LEKR1: variants seen among roughly 807,000 people sequenced by gnomAD.
LEKR1 encodes protein LEKR1.
Under a neutral mutation model 72.4 loss-of-function variants are expected in LEKR1, and 59 were observed. The observed-to-expected ratio is 0.82, with a 90% confidence interval of 0.66 to 1.01. The LOEUF is 1.01. Ranked by LOEUF, LEKR1 falls within the 50% of genes least tolerant of loss-of-function variation. LEKR1 has a pLI of 0.00. For synonymous variants in LEKR1, 257 were observed against 263.2 expected (o/e 0.98, Z 0.23); for missense variants, 728 against 759.2 (o/e 0.96, Z 0.48).
intron 6 of LEKR1, among the ~76,000 whole-genome samples, chr3:156,942,999 A>G (rs1726363203): frequency 6.6e-6 from 1 of 151,928 alleles, no homozygotes; most frequent in Non-Finnish European, 1.5e-5. Context: ...TTACTTTGGT[A>G]TATCTGTGCT....
intron 3 of LEKR1, among the ~76,000 whole-genome samples, chr3:156,869,251 T>C (rs557041886): frequency 6.6e-6 from 1 of 152,226 alleles, no homozygotes; most frequent in Non-Finnish European, 1.5e-5. Flanking sequence ...CAGTACTGTT[T>C]TTAGTGTTTT....
At chr3:157,030,198 AC>A (rs1258644060) in intron 12 of LEKR1, among the ~76,000 whole-genome samples, 1 of 152,160 alleles carries the variant, frequency 6.6e-6, no homozygotes, top group Admixed American at 6.5e-5. Context: ...GCATGAACTA[AC>A]ACAGCAAGAA....
intron 7 of LEKR1, among the ~76,000 whole-genome samples, chr3:156,985,109 C>T (rs569573939): frequency 1.3e-4 from 20 of 151,930 alleles, no homozygotes; most frequent in Non-Finnish European, 2.4e-4. Context: ...TTTATTTATT[C>T]AATACAAAAT....
intron 5 of LEKR1, among the ~76,000 whole-genome samples, chr3:156,934,088 G>A (rs1051820669): frequency 2.0e-5 from 3 of 152,136 alleles, no homozygotes; most frequent in Non-Finnish European, 2.9e-5. Context: ...TCTAGTTAAA[G>A]TTGTCTTCCT....
At chr3:157,014,730 T>C (rs540696079) in intron 10 of LEKR1, among the ~76,000 whole-genome samples, 1 of 152,290 alleles carries the variant, frequency 6.6e-6, no homozygotes, top group East Asian at 1.9e-4. Context: ...AGGAGTGGCC[T>C]GCGGAGATCA....
chr3:156,969,800 C>T (rs1211199291), intron 6 of LEKR1, among the ~76,000 whole-genome samples: 5 of 152,174 alleles, frequency 3.3e-5, no homozygotes, highest in African/African-American at 4.8e-5. Context: ...GATACCAAAG[C>T]CTGGCAGAGA....
chr3:156,874,431 G>A (rs1482326386), intron 3 of LEKR1, among the ~76,000 whole-genome samples: 2 of 151,896 alleles, frequency 1.3e-5, no homozygotes, highest in Non-Finnish European at 1.5e-5. Flanking sequence ...TTTTATTTGG[G>A]GGAGGCTTTT....
chr3:156,996,955 C>T (rs1731626406), intron 9 of LEKR1, among the ~76,000 whole-genome samples: 2 of 151,934 alleles, frequency 1.3e-5, no homozygotes, highest in South Asian at 4.2e-4. Flanking sequence ...ATCCCAGCTA[C>T]TTGGGAGGCT....
intron 3 of LEKR1, among the ~76,000 whole-genome samples, chr3:156,919,910 C>T (rs904083810): frequency 2.6e-5 from 4 of 152,088 alleles, no homozygotes; most frequent in African/African-American, 4.8e-5. Context: ...ATTCATTATA[C>T]CAAAAGTTAA....
chr3:156,908,980 T>A (rs1236789248), intron 3 of LEKR1, among the ~76,000 whole-genome samples: 2 of 152,184 alleles, frequency 1.3e-5, no homozygotes, highest in Non-Finnish European at 2.9e-5. Context: ...GGGAGATAAT[T>A]GAATCATGAA....
At chr3:156,829,477 A>C (rs886320053) in intron 2 of LEKR1, 100 bp downstream of exon 2, 1 of 711,626 alleles carries the variant, frequency 1.4e-6, no homozygotes, top group Non-Finnish European at 2.3e-6. Context: ...TGGTCATAGG[A>C]TCTGAATGAA....
At chr3:156,932,723 A>AAGG (rs1560090933) in intron 5 of LEKR1, among the ~76,000 whole-genome samples, 2 of 142,638 alleles carry the variant, frequency 1.4e-5, no homozygotes, top group African/African-American at 2.6e-5. Context: ...AAAAAAAAAA[A>AAGG]GGGTATCTAT....
intron 6 of LEKR1, among the ~76,000 whole-genome samples, chr3:156,950,569 C>A (rs562576747): frequency 6.6e-6 from 1 of 150,836 alleles, no homozygotes; most frequent in African/African-American, 2.4e-5. Flanking sequence ...TAGCTGTATT[C>A]CTATGTATTT....
intron 3 of LEKR1, among the ~76,000 whole-genome samples, chr3:156,914,513 A>G (rs1576811603): frequency 6.6e-6 from 1 of 152,106 alleles, no homozygotes; most frequent in Non-Finnish European, 1.5e-5. Flanking sequence ...TTATGGCTGC[A>G]TAGTATTCCA....
chr3:156,966,187 A>T (rs1290030023), intron 6 of LEKR1, among the ~76,000 whole-genome samples: 1 of 152,174 alleles, frequency 6.6e-6, no homozygotes, highest in Non-Finnish European at 1.5e-5. Context: ...TCCAGTCCAC[A>T]GCTCCCAGCA....
At chr3:156,890,028 C>T (rs560852300) in intron 3 of LEKR1, among the ~76,000 whole-genome samples, 7 of 152,202 alleles carry the variant, frequency 4.6e-5, no homozygotes, top group Admixed American at 3.9e-4. Flanking sequence ...CCTCATCTGT[C>T]AAATGATGTT....
chr3:156,985,752 T>C (rs982722748), intron 7 of LEKR1, among the ~76,000 whole-genome samples: 35 of 151,408 alleles, frequency 2.3e-4, no homozygotes, highest in African/African-American at 8.5e-4. Flanking sequence ...CAAGAATCTC[T>C]TGAAACCTGG....
intron 3 of LEKR1, among the ~76,000 whole-genome samples, chr3:156,886,803 C>T (rs375442543): frequency 3.3e-5 from 5 of 152,202 alleles, no homozygotes; most frequent in Non-Finnish European, 5.9e-5. Context: ...TGCAGTTTGT[C>T]GCAGCGTGCT....
At chr3:157,039,801 T>C (rs1490283610) in intron 12 of LEKR1, among the ~76,000 whole-genome samples, 1 of 152,234 alleles carries the variant, frequency 6.6e-6, no homozygotes. Flanking sequence ...ATACAGAATA[T>C]GGCACACACT....
Sources: gnomAD v4.1 joint callset for allele counts (sites outside exome capture counted in the v4.1 genomes callset) on GRCh38, gnomAD v4.1.1 for gene constraint, MANE v1.5 for transcripts, NCBI Gene and HGNC (gene_info 2026-07-23, HGNC 2026-07-21) for gene names.